Variants in FBXO34 observed in about 807,000 individuals in gnomAD.
The protein encoded by FBXO34 is F-box protein 34.
Under a neutral mutation model 24.5 loss-of-function variants are expected in FBXO34, and 12 were observed. The observed-to-expected ratio is 0.49, with a 90% CI of 0.31 to 0.79. FBXO34 has a LOEUF of 0.79. Among genes scored for constraint, FBXO34 ranks in the 30% least tolerant of loss-of-function variants. FBXO34 has a pLI of 0.04. For missense variants in FBXO34, 823 were observed against 857.7 expected, an observed-to-expected ratio of 0.96 and a Z score of 0.51; for synonymous variants, 320 against 311.9, an observed-to-expected ratio of 1.03 and a Z score of -0.27.
chr14:55,423,332 A>C, the FBXO34 span, among the ~76,000 whole-genome samples: 1 of 152,246 alleles, frequency 6.6e-6, no homozygotes, highest in Non-Finnish European at 1.5e-5. Flanking sequence ...TATCCCTTTA[A>C]AACAATTGGG....
intron 1 of FBXO34, among the ~76,000 whole-genome samples, chr14:55,284,712 C>G (rs540694489): frequency 6.8e-6 from 1 of 148,074 alleles, no homozygotes; most frequent in Non-Finnish European, 1.5e-5. Context: ...ACCACCCAGG[C>G]TCAAGCAATC....
intron 1 of FBXO34, among the ~76,000 whole-genome samples, chr14:55,316,955 A>G (rs1419831750): frequency 6.6e-6 from 1 of 152,234 alleles, no homozygotes; most frequent in East Asian, 1.9e-4. Flanking sequence ...AAAACTGATT[A>G]GAAGCTCTGA....
chr14:55,403,512 C>T, the FBXO34 span, among the ~76,000 whole-genome samples: 18 of 151,522 alleles, frequency 1.2e-4, no homozygotes, highest in South Asian at 3.7e-3. Flanking sequence ...AGTAAATAAA[C>T]AGAAAAATAA....
At chr14:55,359,897 T>G (rs924339671) in intron 3 of FBXO34, among the ~76,000 whole-genome samples, 2 of 136,174 alleles carry the variant, frequency 1.5e-5, no homozygotes, top group Non-Finnish European at 3.1e-5. Context: ...CTGGGCAACA[T>G]AGGGAGACCT....
intron 1 of FBXO34, among the ~76,000 whole-genome samples, chr14:55,340,648 A>G (rs1883961337): frequency 6.6e-6 from 1 of 152,224 alleles, no homozygotes; most frequent in Non-Finnish European, 1.5e-5. Flanking sequence ...GCCTGTGCCC[A>G]GGTGGCATGT....
the FBXO34 span, chr14:55,429,020 C>T: frequency 6.1e-5 from 97 of 1,596,376 alleles, no homozygotes; most frequent in Non-Finnish European, 8.0e-5. Context: ...TCGCTACATC[C>T]TCTCAACTAC....
At chr14:55,301,152 C>G (rs1277818746) in intron 1 of FBXO34, among the ~76,000 whole-genome samples, 1 of 152,080 alleles carries the variant, frequency 6.6e-6, no homozygotes, top group African/African-American at 2.4e-5. Context: ...AAAGAGTGTT[C>G]TTGGCTGGGC....
At chr14:55,299,061 C>A in intron 1 of FBXO34, 1 of 1,572,228 alleles carries the variant, frequency 6.4e-7, no homozygotes, top group Non-Finnish European at 8.8e-7. Context: ...AATTTCGAAA[C>A]CTGTAGGGTT....
chr14:55,326,849 CAGTT>C (rs1883357836), intron 1 of FBXO34, among the ~76,000 whole-genome samples: 2 of 152,222 alleles, frequency 1.3e-5, no homozygotes, highest in African/African-American at 2.4e-5. Flanking sequence ...GAGGACAAAA[CAGTT>C]GGTATAATTT....
downstream of FBXO34, among the ~76,000 whole-genome samples, chr14:55,357,764 T>C (rs1884542672): frequency 6.6e-6 from 1 of 152,176 alleles, no homozygotes; most frequent in African/African-American, 2.4e-5. Flanking sequence ...TGAGCCATGA[T>C]TGCATCACTG....
chr14:55,411,798 C>A, the FBXO34 span: 1,563 of 1,598,828 alleles, frequency 9.8e-4, 19 homozygotes, highest in East Asian at 0.024. Context: ...AGCGCCCGGG[C>A]TCCCTTCCCA....
intron 1 of FBXO34, among the ~76,000 whole-genome samples, chr14:55,332,494 A>G (rs138660517): frequency 2.3e-4 from 35 of 152,290 alleles, no homozygotes; most frequent in African/African-American, 7.7e-4. Flanking sequence ...CATCTGGGTA[A>G]TGTTTAATTA....
downstream of FBXO34, chr14:55,366,883 CAG>C (rs1214233285): frequency 3.3e-5 from 5 of 151,884 alleles, no homozygotes; most frequent in Non-Finnish European, 1.5e-5. Flanking sequence ...GTAGAAAAAA[CAG>C]TGGTTGAAAT....
chr14:55,318,036 T>A (rs1039048359), intron 1 of FBXO34: 1 of 152,146 alleles, frequency 6.6e-6, no homozygotes, highest in African/African-American at 2.4e-5. Context: ...AAGAGAATGT[T>A]CCCTGATGCT....
chr14:55,337,125 C>T (rs1373106715), intron 1 of FBXO34, among the ~76,000 whole-genome samples: 2 of 151,980 alleles, frequency 1.3e-5, no homozygotes. Context: ...AGATGTCCAC[C>T]ACTGTGCCTG....
In FBXO34 at chr14:55,313,251, G is replaced by A. The variant is rs74969031; in HGVS notation, c.-10-37130G>A. 9.4e-3 allele frequency among the ~76,000 whole-genome samples: 1,425 copies of A among 152,240 alleles called. 32 individuals carry two copies. The highest frequency in any genetic ancestry group is 0.033 in the African/African-American group (1,377 of 41,536). The stretch of plus-strand genomic sequence containing the variant: ...CAGTTTCTTTGCTAAAACATACTGA[G>A]AGTCACCTTTATTCCAGTTCTCAAT... On this transcript the variant is annotated intron_variant, in intron 1 of 1. Coordinates refer to ENST00000313833, the MANE Select transcript of FBXO34 (RefSeq NM_017943.4).
At chr14:55,414,718 T>C in the FBXO34 span, among the ~76,000 whole-genome samples, 1 of 152,218 alleles carries the variant, frequency 6.6e-6, no homozygotes, top group Non-Finnish European at 1.5e-5. Flanking sequence ...AAATGTGGAA[T>C]GTTATCTCTA....
intron 1 of FBXO34, among the ~76,000 whole-genome samples, chr14:55,304,408 G>A (rs1882468377): frequency 6.6e-6 from 1 of 151,930 alleles, no homozygotes; most frequent in Non-Finnish European, 1.5e-5. Context: ...TGCCCGGGCT[G>A]GTATAAAACT....
At chr14:55,354,294 C>T (rs1884487165), downstream of FBXO34, among the ~76,000 whole-genome samples, 1 of 152,200 alleles carries the variant, frequency 6.6e-6, no homozygotes, top group Non-Finnish European at 1.5e-5. Context: ...TGTCCTACTC[C>T]CCTTGTATTT....
Sources: allele counts gnomAD v4.1 joint callset (sites outside exome capture counted in the v4.1 genomes callset), GRCh38; gene constraint gnomAD v4.1.1; transcripts MANE v1.5; gene names NCBI Gene and HGNC (gene_info 2026-07-23, HGNC 2026-07-21).